Variants in IL1RAPL1 observed in about 807,000 individuals in gnomAD.
IL1RAPL1 encodes interleukin-1 receptor accessory protein-like 1.
IL1RAPL1 carries 3 observed loss-of-function variants against 48.4 expected under a neutral mutation model. The observed-to-expected ratio is 0.06, with a 90% confidence interval of 0.03 to 0.16. The LOEUF is 0.16. IL1RAPL1 is among the 10% of genes least tolerant of loss of function. IL1RAPL1 has a pLI of 1.00. For synonymous variants in IL1RAPL1, 185 were observed against 187.7 expected (o/e 0.99, Z 0.12); for missense variants, 349 against 530.6 (o/e 0.66, Z 3.36).
chrX:28,613,478 C>A (rs1446399467), intron 1 of IL1RAPL1, among the ~76,000 whole-genome samples: 1 of 112,921 alleles, frequency 8.9e-6, no homozygotes, highest in Non-Finnish European at 1.9e-5. Flanking sequence ...CGGCCTGAGG[C>A]CTGGGAAGCT....
chrX:29,404,852 T>G (rs1317397378), intron 5 of IL1RAPL1, among the ~76,000 whole-genome samples: 1 of 110,482 alleles, frequency 9.1e-6, no homozygotes, highest in Non-Finnish European at 1.9e-5. Context: ...AGAGAATGCC[T>G]TTATTTATTT....
Position 29,941,801 on chromosome X carries a change from T to A in IL1RAPL1, c.1201+7T>A. On this transcript the variant is annotated splice_region_variant and intron_variant, in intron 9 of 10. Coordinates refer to ENST00000378993, the MANE Select transcript of IL1RAPL1 (RefSeq NM_014271.4). ...GCTGAAGAGCTCGATGGAGGTAGGA[T>A]GTTACCTCTTTTATTGTTCTTTCTG... The A allele has an allele frequency of 8.3e-7, 1 of 1,201,221 alleles. No individual in the cohort carries two copies. The highest frequency in any genetic ancestry group is 1.1e-6 in the Non-Finnish European group (1 of 886,351).
At chrX:29,010,132 T>C (rs965847634) in intron 2 of IL1RAPL1, among the ~76,000 whole-genome samples, 2 of 112,355 alleles carry the variant, frequency 1.8e-5, no homozygotes, top group African/African-American at 3.2e-5. Context: ...CTGAAGTCAT[T>C]TATCAGTTTC....
rs71997063 is a variant in IL1RAPL1 at position 28,862,886 on chromosome X, ATTT to A, written c.82+73472_82+73474del. On this transcript the variant is annotated intron_variant, in intron 2 of 10. Coordinates refer to ENST00000378993, the MANE Select transcript of IL1RAPL1 (RefSeq NM_014271.4). ...TAATTAGTTCATGGGAAATTATGCC[ATTT>A]TTTTTTTTTTAGTTGGAGTCTCACT... 9.4e-4 allele frequency among the ~76,000 whole-genome samples: 97 copies of A among 103,223 alleles called. 1 individual carries two copies. Among genetic ancestry groups the A allele is most frequent in the African/African-American group, 3.3e-3 (93 of 28,393 alleles). 89.6% of individuals were successfully genotyped at this position (103,223 alleles called of 115,157 possible).
chrX:29,433,730 A>G (rs183069818), intron 5 of IL1RAPL1, among the ~76,000 whole-genome samples: 1,173 of 111,377 alleles, frequency 0.011, 23 homozygotes, highest in African/African-American at 0.036. Context: ...TTATTCTTTT[A>G]TCCTTAATTT....
Position 29,756,614 on chromosome X carries a change from T to C in IL1RAPL1, c.778+88110T>C, listed in dbSNP as rs7892191. On this transcript the variant is annotated intron_variant, in intron 6 of 10. Transcript: ENST00000378993. ...TTTTAATAGAGACGGGGTTTCACCA[T>C]GTTGGCCAGGCTGGTCTCGAACTCC... Among the ~76,000 whole-genome samples the C allele has an allele frequency of 8.7e-3, 966 of 110,931 alleles. 9 individuals carry two copies. Among genetic ancestry groups the C allele is most frequent in the African/African-American group, 0.03 (904 of 30,468 alleles).
At chrX:29,073,724 A>T in intron 2 of IL1RAPL1, among the ~76,000 whole-genome samples, 2 of 111,730 alleles carry the variant, frequency 1.8e-5, no homozygotes, top group Non-Finnish European at 3.8e-5. Flanking sequence ...ATATGACATT[A>T]TGAGTTTGAG....
intron 2 of IL1RAPL1, among the ~76,000 whole-genome samples, chrX:28,877,035 G>A (rs1922393282): frequency 8.9e-6 from 1 of 111,767 alleles, no homozygotes; most frequent in African/African-American, 3.3e-5. Flanking sequence ...AGGCTTTGTA[G>A]CCTTACATGT....
At chrX:29,285,472 C>CAGTG (rs1266692599) in intron 3 of IL1RAPL1, among the ~76,000 whole-genome samples, 1 of 83,760 alleles carries the variant, frequency 1.2e-5, no homozygotes, top group African/African-American at 4.8e-5. Flanking sequence ...GCAGAGGTTG[C>CAGTG]AGTGAGCCGA....
At chrX:29,114,926 C>G (rs375467531) in intron 2 of IL1RAPL1, among the ~76,000 whole-genome samples, 112 of 111,342 alleles carry the variant, frequency 1.0e-3, no homozygotes, top group African/African-American at 3.5e-3. Flanking sequence ...CTGAGTCCAG[C>G]CTATTTGTTT....
intron 3 of IL1RAPL1, among the ~76,000 whole-genome samples, chrX:29,350,203 A>G (rs1237067661): frequency 1.3e-4 from 10 of 75,529 alleles, no homozygotes; most frequent in African/African-American, 6.0e-4. Flanking sequence ...ATATATATAT[A>G]TATATATATA....
chrX:28,727,151 T>G (rs947708291), intron 1 of IL1RAPL1, among the ~76,000 whole-genome samples: 1 of 111,307 alleles, frequency 9.0e-6, no homozygotes, highest in Non-Finnish European at 1.9e-5. Context: ...CGATATTGAT[T>G]CTTCCTACCC....
chrX:28,919,453 G>A (rs1923565383), intron 2 of IL1RAPL1, among the ~76,000 whole-genome samples: 1 of 112,257 alleles, frequency 8.9e-6, no homozygotes. Context: ...TATAGTTACT[G>A]TTAAAATGTA....
At chrX:28,658,595 A>G (rs768980162) in intron 1 of IL1RAPL1, among the ~76,000 whole-genome samples, 1 of 110,204 alleles carries the variant, frequency 9.1e-6, no homozygotes, top group East Asian at 2.8e-4. Context: ...AGCACAGAAG[A>G]CAGACAACAT....
chrX:29,031,831 A>G (rs1034746402), intron 2 of IL1RAPL1, among the ~76,000 whole-genome samples: 1 of 111,591 alleles, frequency 9.0e-6, no homozygotes, highest in African/African-American at 3.3e-5. Flanking sequence ...TTTTGTTTAT[A>G]CGTTGAATGA....
intron 1 of IL1RAPL1, among the ~76,000 whole-genome samples, chrX:28,678,652 G>C (rs1168535688): frequency 9.0e-6 from 1 of 111,677 alleles, no homozygotes; most frequent in Non-Finnish European, 1.9e-5. Flanking sequence ...GTTAGGTACT[G>C]TAAATATAGT....
At chrX:29,243,191 A>G (rs1931451987) in intron 2 of IL1RAPL1, among the ~76,000 whole-genome samples, 1 of 112,450 alleles carries the variant, frequency 8.9e-6, no homozygotes, top group African/African-American at 3.2e-5. Context: ...CGTATTTGGA[A>G]TATGTTAAGA....
intron 1 of IL1RAPL1, among the ~76,000 whole-genome samples, chrX:28,723,181 C>G (rs980945833): frequency 9.0e-6 from 1 of 111,161 alleles, no homozygotes; most frequent in Non-Finnish European, 1.9e-5. Context: ...CCATCTCCTC[C>G]TTGTACCTCT....
chrX:29,543,621 T>C (rs1201761604), intron 5 of IL1RAPL1, among the ~76,000 whole-genome samples: 1 of 110,904 alleles, frequency 9.0e-6, no homozygotes, highest in East Asian at 2.8e-4. Flanking sequence ...TCAACAGTCA[T>C]TTAACTTTCT....
Sources: allele counts gnomAD v4.1 joint callset (sites outside exome capture counted in the v4.1 genomes callset), GRCh38; gene constraint gnomAD v4.1.1; transcripts MANE v1.5; gene names NCBI Gene and HGNC (gene_info 2026-07-23, HGNC 2026-07-21).